Variants in SRD5A3 observed in about 807,000 individuals in gnomAD.
The protein encoded by SRD5A3 is steroid 5 alpha-reductase 3, also known as polyprenal reductase.
In SRD5A3, 24 loss-of-function variants were observed where a neutral mutation model predicts 34.3. That is an observed-to-expected ratio of 0.70 (90% confidence interval 0.51 to 0.99). The LOEUF (loss-of-function observed/expected upper bound fraction) is 0.99. Among genes scored for constraint, SRD5A3 ranks in the 50% least tolerant of loss-of-function variants. SRD5A3 has a pLI of 0.00. For missense variants in SRD5A3, 350 were observed against 388.2 expected, an observed-to-expected ratio of 0.90 and a Z score of 0.83; for synonymous variants, 161 against 167.3, an observed-to-expected ratio of 0.96 and a Z score of 0.29.
Position 55,364,291 on chromosome 4 carries a change from C to A in SRD5A3, c.562+20C>A. The A allele has an allele frequency of 6.2e-7, 1 of 1,613,456 alleles. No individual in the cohort carries two copies. Among genetic ancestry groups the A allele is most frequent in the Non-Finnish European group, 8.5e-7 (1 of 1,179,792 alleles). On this transcript the variant is annotated intron_variant, in intron 3 of 4. Coordinates refer to ENST00000264228, the MANE Select transcript of SRD5A3 (RefSeq NM_024592.5). ...GGAATGGTGAGTGGATCCAGCCCTG[C>A]CAGGAGCTCCCCACCCCAGGGTGTA...
intron 1 of SRD5A3, 138 bp from the exon 2 acceptor site, chr4:55,359,208 C>A: frequency 8.3e-7 from 1 of 1,201,706 alleles, no homozygotes; most frequent in Admixed American, 1.7e-5. Context: ...CTATAGGATT[C>A]AGATTCTATT....
At chr4:55,363,153 C>A (rs1008263282) in intron 2 of SRD5A3, among the ~76,000 whole-genome samples, 1 of 151,940 alleles carries the variant, frequency 6.6e-6, no homozygotes, top group Non-Finnish European at 1.5e-5. Flanking sequence ...GGCCGTGACT[C>A]ATTTCTTTTT....
chr4:55,357,573 C>T (rs898119576), intron 1 of SRD5A3, among the ~76,000 whole-genome samples: 4 of 145,428 alleles, frequency 2.8e-5, no homozygotes, highest in African/African-American at 9.9e-5. Flanking sequence ...AAAGTAGGCT[C>T]TTGAAGCCTG....
intron 2 of SRD5A3, among the ~76,000 whole-genome samples, chr4:55,363,475 AAAAC>A (rs1418965772): frequency 6.6e-6 from 1 of 152,192 alleles, no homozygotes; most frequent in Non-Finnish European, 1.5e-5. Flanking sequence ...CAAAAAATAA[AAAAC>A]AAAAAAGAAA....
At chr4:55,368,412 ATTTATTTATTT>A (rs1441078520) in intron 4 of SRD5A3, among the ~76,000 whole-genome samples, 1 of 148,236 alleles carries the variant, frequency 6.7e-6, no homozygotes, top group African/African-American at 2.5e-5. Context: ...TTATTTATTT[ATTTATTTATTT>A]ATTTATTTAT....
Position 55,371,934 on chromosome 4 carries a change from T to C in SRD5A3, c.*1843T>C, listed in dbSNP as rs1162020620. The C allele has an allele frequency of 6.6e-6, 1 of 152,184 alleles. No homozygotes were observed. The highest frequency in any genetic ancestry group is 2.4e-5 in the African/African-American group (1 of 41,444). 9.4% of individuals were successfully genotyped at this position (152,184 alleles called of 1,614,324 possible). A position where few individuals can be genotyped will look rare whatever the true frequency, so the allele number is the denominator to read the frequency against. The stretch of plus-strand genomic sequence containing the variant: ...CCTCCCAAAGTGCTGGGATTACAGG[T>C]GTAAGTCACTGCTCCCGGATGCATG... On this transcript the variant is annotated 3_prime_UTR_variant, in exon 5 of 5. Coordinates refer to ENST00000264228, the MANE Select transcript of SRD5A3 (RefSeq NM_024592.5).
chr4:55,370,275 A>G lies in SRD5A3; in HGVS notation c.*184A>G, dbSNP rs927003263. ...ACTCAAGAAAATGAATCTCCAAAGT[A>G]TCTTCAAAGAATAAATACTAATGGC... On this transcript the variant is annotated 3_prime_UTR_variant, in exon 5 of 5. Coordinates refer to ENST00000264228, the MANE Select transcript of SRD5A3 (RefSeq NM_024592.5). 52 of 755,182 alleles carry G rather than the reference A, an allele frequency of 6.9e-5. No homozygotes were observed. In the Admixed American group the frequency reaches 8.3e-4, roughly 12 times the overall value. The allele number at this position is 755,182 out of a possible 1,614,324, so 46.8% of individuals were successfully genotyped here. A position where few individuals can be genotyped will look rare whatever the true frequency, so the allele number is the denominator to read the frequency against.
chr4:55,362,676 C>T (rs1233903271), intron 2 of SRD5A3, among the ~76,000 whole-genome samples: 1 of 151,484 alleles, frequency 6.6e-6, no homozygotes, highest in Non-Finnish European at 1.5e-5. Context: ...CCAGGCTGGT[C>T]TCAAACTCCT....
chr4:55,367,303 CTG>C (rs1578211948), intron 3 of SRD5A3: 2 of 506,896 alleles, frequency 3.9e-6, no homozygotes, highest in Non-Finnish European at 3.6e-6. Context: ...GAGAATGTGT[CTG>C]TGTGGAATTC....
intron 3 of SRD5A3, 117 bp downstream of exon 3, chr4:55,364,388 A>C: frequency 8.1e-7 from 1 of 1,229,718 alleles, no homozygotes; most frequent in Non-Finnish European, 1.2e-6. Context: ...GGCCCAATGC[A>C]TTTTGCATTT....
intron 2 of SRD5A3, among the ~76,000 whole-genome samples, chr4:55,360,268 A>C (rs1367767208): frequency 6.6e-6 from 1 of 151,480 alleles, no homozygotes; most frequent in Non-Finnish European, 1.5e-5. Flanking sequence ...GCACTTTGGG[A>C]GGCCAAGGCA....
chr4:55,362,032 A>G (rs999914059), intron 2 of SRD5A3, among the ~76,000 whole-genome samples: 3 of 152,158 alleles, frequency 2.0e-5, no homozygotes, highest in African/African-American at 7.2e-5. Flanking sequence ...ATACAAAAAC[A>G]GTCAAAGCTA....
chr4:55,349,073 C>T (rs915777227), intron 1 of SRD5A3, among the ~76,000 whole-genome samples: 1 of 152,118 alleles, frequency 6.6e-6, no homozygotes, highest in Non-Finnish European at 1.5e-5. Flanking sequence ...CTCGCTCTGT[C>T]GCCCAGGCTG....
At chr4:55,348,065 T>A (rs1719061590) in intron 1 of SRD5A3, among the ~76,000 whole-genome samples, 1 of 152,194 alleles carries the variant, frequency 6.6e-6, no homozygotes, top group Non-Finnish European at 1.5e-5. Flanking sequence ...CTGTTGCAAC[T>A]CAAGTCTGTT....
chr4:55,358,535 C>CAAAAAAAAA (rs576702969), intron 1 of SRD5A3, among the ~76,000 whole-genome samples: 1 of 112,798 alleles, frequency 8.9e-6, no homozygotes, highest in South Asian at 3.4e-4. Context: ...GACCCTGTCT[C>CAAAAAAAAA]AAAAAAAAAA....
rs558381137 is a variant in SRD5A3, at chr4:55,359,337, C to G, written c.222-9C>G. The G allele has an allele frequency of 1.2e-6, 2 of 1,613,964 alleles. No homozygotes were observed. The highest frequency in any genetic ancestry group is 3.3e-5 in the Admixed American group (2 of 60,022). On this transcript the variant is annotated splice_polypyrimidine_tract_variant and intron_variant, in intron 1 of 4. Transcript: ENST00000264228. ...CCTAATTATTGCCTCGCTTGTTTTC[C>G]TTTTGCAGATATTTTTCCCACTTTT...
chr4:55,354,245 G>A (rs1719338902), intron 1 of SRD5A3, among the ~76,000 whole-genome samples: 2 of 152,090 alleles, frequency 1.3e-5, no homozygotes, highest in South Asian at 4.1e-4. Context: ...CTACAGGGGT[G>A]TGCCACCATA....
intron 1 of SRD5A3, among the ~76,000 whole-genome samples, chr4:55,352,806 C>T (rs1719247144): frequency 6.6e-6 from 1 of 152,162 alleles, no homozygotes; most frequent in Non-Finnish European, 1.5e-5. Flanking sequence ...CAGACAGTAA[C>T]ATGTCAATAA....
intron 3 of SRD5A3, 98 bp downstream of exon 3, chr4:55,364,369 T>C: frequency 7.4e-7 from 1 of 1,360,078 alleles, no homozygotes; most frequent in Non-Finnish European, 1.0e-6. Context: ...CATGCAGAAG[T>C]AAGAGACAGG....
Sources: gnomAD v4.1 joint callset for allele counts (sites outside exome capture counted in the v4.1 genomes callset) on GRCh38, gnomAD v4.1.1 for gene constraint, MANE v1.5 for transcripts, NCBI Gene and HGNC (gene_info 2026-07-23, HGNC 2026-07-21) for gene names.